NSUN6: variants seen among roughly 807,000 people sequenced by gnomAD.
NSUN6 encodes the protein tRNA (cytosine(72)-C(5))-methyltransferase NSUN6.
NSUN6 carries 64 observed loss-of-function variants against 58.0 expected under a neutral mutation model. The observed-to-expected ratio is 1.10, with a 90% CI of 0.90 to 1.36. The LOEUF (loss-of-function observed/expected upper bound fraction) is 1.36, where lower values mean the gene tolerates loss of function less well. Ranked by LOEUF, NSUN6 falls within the 40% of genes most tolerant of loss-of-function variation. The pLI, the probability that NSUN6 is intolerant of heterozygous loss-of-function variation, is 0.00. For missense variants in NSUN6, 701 were observed against 550.1 expected (o/e 1.27, Z -2.74); for synonymous variants, 231 against 193.9 (o/e 1.19, Z -1.59).
intron 3 of NSUN6, among the ~76,000 whole-genome samples, chr10:18,623,313 A>C (rs1165018014): frequency 6.6e-6 from 1 of 152,344 alleles, no homozygotes; most frequent in South Asian, 2.1e-4. Flanking sequence ...AGAGGAAGAA[A>C]ACTCCTTTTT....
At chr10:18,631,918 T>C (rs1306074860) in intron 3 of NSUN6, among the ~76,000 whole-genome samples, 2 of 152,194 alleles carry the variant, frequency 1.3e-5, no homozygotes, top group African/African-American at 2.4e-5. Context: ...AAAGTTCATA[T>C]GGAACCAAAA....
At chr10:18,625,864 G>T (rs1481781202) in intron 3 of NSUN6, among the ~76,000 whole-genome samples, 2 of 151,568 alleles carry the variant, frequency 1.3e-5, no homozygotes, top group African/African-American at 4.8e-5. Flanking sequence ...CTGTTAAAAG[G>T]AAAAGTTTTT....
chr10:18,587,214 C>T (rs1479414819), intron 7 of NSUN6, among the ~76,000 whole-genome samples: 1 of 152,184 alleles, frequency 6.6e-6, no homozygotes, highest in Non-Finnish European at 1.5e-5. Context: ...GTGCCTTGCT[C>T]ACCTCTGGAA....
intron 7 of NSUN6, among the ~76,000 whole-genome samples, chr10:18,591,658 A>G (rs1207175293): frequency 6.6e-6 from 1 of 152,218 alleles, no homozygotes; most frequent in Non-Finnish European, 1.5e-5. Flanking sequence ...GGCCTTCCAT[A>G]AAATTCAACA....
chr10:18,548,781 A>C (rs1053380838), intron 9 of NSUN6, among the ~76,000 whole-genome samples: 1 of 152,088 alleles, frequency 6.6e-6, no homozygotes, highest in Non-Finnish European at 1.5e-5. Flanking sequence ...ACATGTCCCA[A>C]AATGAACTCC....
chr10:18,628,630 T>C (rs373486639), intron 3 of NSUN6, among the ~76,000 whole-genome samples: 10 of 152,154 alleles, frequency 6.6e-5, no homozygotes, highest in African/African-American at 1.2e-4. Flanking sequence ...GGAGCCAATG[T>C]GATCAACTGG....
intron 8 of NSUN6, among the ~76,000 whole-genome samples, chr10:18,558,153 A>AAGAATGGAATGG (rs1297037039): frequency 4.7e-5 from 7 of 149,520 alleles, no homozygotes; most frequent in Non-Finnish European, 1.0e-4. Context: ...GAATGGAATG[A>AAGAATGGAATGG]AGAATGGAAT....
At chr10:18,636,358 T>TA (rs533141020) in intron 3 of NSUN6, among the ~76,000 whole-genome samples, 7,163 of 129,116 alleles carry the variant, frequency 0.055, 496 homozygotes, top group African/African-American at 0.17. Context: ...TTGACAATGT[T>TA]AAAAAAAAAA....
upstream of NSUN6, among the ~76,000 whole-genome samples, chr10:18,654,199 G>A (rs976923451): frequency 1.3e-5 from 2 of 152,138 alleles, no homozygotes; most frequent in African/African-American, 4.8e-5. Flanking sequence ...GGGTTCAAGC[G>A]ATTCTCCTGC....
intron 3 of NSUN6, among the ~76,000 whole-genome samples, chr10:18,641,084 A>C (rs1207987866): frequency 6.6e-6 from 1 of 152,120 alleles, no homozygotes; most frequent in African/African-American, 2.4e-5. Context: ...TTTGATACTT[A>C]AAAACTGATC....
At chr10:18,585,590 G>T (rs1326669542) in intron 8 of NSUN6, among the ~76,000 whole-genome samples, 1 of 152,136 alleles carries the variant, frequency 6.6e-6, no homozygotes, top group Admixed American at 6.6e-5. Context: ...TCACTTAAGT[G>T]GGGAATCTAA....
chr10:18,624,534 T>C (rs1031370986), intron 3 of NSUN6, among the ~76,000 whole-genome samples: 2 of 149,274 alleles, frequency 1.3e-5, no homozygotes, highest in African/African-American at 5.0e-5. Context: ...CAGGTACCTG[T>C]AGCCTACTAG....
At chr10:18,642,163 T>C (rs1009863961) in intron 3 of NSUN6, among the ~76,000 whole-genome samples, 1 of 151,790 alleles carries the variant, frequency 6.6e-6, no homozygotes, top group Non-Finnish European at 1.5e-5. Context: ...AATTTAGCAC[T>C]GAAAATTCAT....
At chr10:18,577,703 C>T (rs546704888) in intron 8 of NSUN6, among the ~76,000 whole-genome samples, 1 of 152,144 alleles carries the variant, frequency 6.6e-6, no homozygotes, top group Non-Finnish European at 1.5e-5. Flanking sequence ...TCAGTATGTT[C>T]AATTCTTGGC....
chr10:18,640,985 T>C (rs1470708034), intron 3 of NSUN6, among the ~76,000 whole-genome samples: 1 of 152,174 alleles, frequency 6.6e-6, no homozygotes, highest in Non-Finnish European at 1.5e-5. Context: ...CAGATGTTTT[T>C]TTACATGTAA....
intron 2 of NSUN6, among the ~76,000 whole-genome samples, chr10:18,647,146 T>C (rs1023795928): frequency 6.6e-6 from 1 of 152,188 alleles, no homozygotes; most frequent in Non-Finnish European, 1.5e-5. Context: ...TAGTTGTTCT[T>C]AAATAGAGTA....
At chr10:18,605,174 C>T (rs1405925209) in intron 6 of NSUN6, among the ~76,000 whole-genome samples, 3 of 150,222 alleles carry the variant, frequency 2.0e-5, no homozygotes, top group Non-Finnish European at 4.4e-5. Context: ...CGTGAGCCAC[C>T]GTGCCTAGCC....
chr10:18,602,737 C>T (rs929248014), intron 6 of NSUN6, among the ~76,000 whole-genome samples: 1 of 152,088 alleles, frequency 6.6e-6, no homozygotes, highest in African/African-American at 2.4e-5. Flanking sequence ...CTCCCTACTT[C>T]CAGAAAAATC....
At chr10:18,551,647 A>T in intron 9 of NSUN6, 176 bp downstream of exon 9, 1 of 461,128 alleles carries the variant, frequency 2.2e-6, no homozygotes. Flanking sequence ...AGGCTGAATA[A>T]TGTTCCATGT....
Sources: allele counts gnomAD v4.1 joint callset (sites outside exome capture counted in the v4.1 genomes callset), GRCh38; gene constraint gnomAD v4.1.1; transcripts MANE v1.5; gene names NCBI Gene and HGNC (gene_info 2026-07-23, HGNC 2026-07-21).